SNAP91: variants seen among roughly 807,000 people sequenced by gnomAD.
The protein encoded by SNAP91 is synaptosome associated protein 91, also known as clathrin coat assembly protein AP180.
In SNAP91, 27 loss-of-function variants were observed where a neutral mutation model predicts 100.3. That is an observed-to-expected ratio of 0.27 (90% CI 0.20 to 0.37). The LOEUF (loss-of-function observed/expected upper bound fraction) is 0.37. Ranked by LOEUF, SNAP91 falls within the 10% of genes least tolerant of loss-of-function variation. The pLI is 1.00. For missense variants in SNAP91, 986 were observed against 1,123.7 expected, an observed-to-expected ratio of 0.88 and a Z score of 1.75; for synonymous variants, 404 against 398.6, an observed-to-expected ratio of 1.01 and a Z score of -0.16.
At chr6:83,709,210 G>C (rs2099420493), upstream of SNAP91, 1 of 152,274 alleles carries the variant, frequency 6.6e-6, no homozygotes, top group Non-Finnish European at 1.5e-5. Flanking sequence ...CCCCCTCCCA[G>C]CTACTCACAC....
intron 2 of SNAP91, chr6:83,678,866 G>A (rs868433959): frequency 1.6e-6 from 2 of 1,242,682 alleles, no homozygotes; most frequent in Non-Finnish European, 2.1e-6. Flanking sequence ...AAGTACCAAG[G>A]AATACAACTT....
intron 28 of SNAP91, among the ~76,000 whole-genome samples, chr6:83,559,619 G>A (rs1784030464): frequency 6.6e-6 from 1 of 152,186 alleles, no homozygotes; most frequent in Admixed American, 6.5e-5. Context: ...TGGTCCTGGG[G>A]ACTCACAAAT....
intron 17 of SNAP91, 79 bp downstream of exon 17, chr6:83,594,295 A>G: frequency 9.2e-7 from 1 of 1,086,996 alleles, no homozygotes; most frequent in South Asian, 1.4e-5. Flanking sequence ...AAATTAGAAA[A>G]ACATATGGCC....
intron 10 of SNAP91, among the ~76,000 whole-genome samples, chr6:83,616,404 C>A (rs1008443367): frequency 1.3e-5 from 2 of 152,136 alleles, no homozygotes; most frequent in Middle Eastern, 3.4e-3. Context: ...AATATAAGTA[C>A]TCAAACACAG....
At chr6:83,655,302 G>C (rs1202427553) in intron 7 of SNAP91, among the ~76,000 whole-genome samples, 1 of 152,208 alleles carries the variant, frequency 6.6e-6, no homozygotes, top group Non-Finnish European at 1.5e-5. Flanking sequence ...ACATGTGTAT[G>C]TGCTGCTCTA....
At chr6:83,699,908 C>T (rs939301053) in intron 2 of SNAP91, among the ~76,000 whole-genome samples, 1 of 152,112 alleles carries the variant, frequency 6.6e-6, no homozygotes, top group African/African-American at 2.4e-5. Flanking sequence ...ATCTTATATA[C>T]AGATACACTG....
intron 7 of SNAP91, among the ~76,000 whole-genome samples, chr6:83,650,268 A>G (rs1203154663): frequency 3.3e-5 from 5 of 152,220 alleles, no homozygotes. Context: ...ATGTTGGAAG[A>G]CATCTAAGAC....
chr6:83,554,111 G>C lies in SNAP91; in HGVS notation c.*185C>G, dbSNP rs987468155. The C allele has an allele frequency of 6.1e-6, 1 of 164,470 alleles. No individual in the cohort carries two copies. Among genetic ancestry groups the C allele is most frequent in the African/African-American group, 2.4e-5 (1 of 41,568 alleles). The allele number at this position is 164,470 out of a possible 1,614,324, so 10.2% of individuals were successfully genotyped here. ...TACAATTTCAAGAGTAGGGATAACA[G>C]CTAAGGTAGTACATATTCCTAATGT... On this transcript the variant is annotated 3_prime_UTR_variant, in exon 30 of 30. Coordinates refer to ENST00000369694, the MANE Select transcript of SNAP91 (RefSeq NM_001242792.2).
chr6:83,614,527 A>G (rs1304279913), intron 11 of SNAP91, among the ~76,000 whole-genome samples: 1 of 152,132 alleles, frequency 6.6e-6, no homozygotes, highest in Non-Finnish European at 1.5e-5. Context: ...GTCTTTTCGC[A>G]TTTATGCTAT....
chr6:83,625,251 T>C (rs2096888027), intron 8 of SNAP91, among the ~76,000 whole-genome samples: 1 of 152,188 alleles, frequency 6.6e-6, no homozygotes, highest in East Asian at 1.9e-4. Context: ...TAGTATTCCA[T>C]GGTGCATATG....
intron 2 of SNAP91, among the ~76,000 whole-genome samples, chr6:83,676,322 GATA>G (rs1414266076): frequency 6.6e-6 from 1 of 152,128 alleles, no homozygotes; most frequent in Non-Finnish European, 1.5e-5. Context: ...GTCGAGCACA[GATA>G]ATGTTATGAA....
intron 8 of SNAP91, among the ~76,000 whole-genome samples, chr6:83,640,890 G>C (rs939947584): frequency 6.6e-6 from 1 of 152,126 alleles, no homozygotes; most frequent in African/African-American, 2.4e-5. Flanking sequence ...CATCTGATTA[G>C]GATGCAGGAG....
intron 26 of SNAP91, among the ~76,000 whole-genome samples, chr6:83,572,333 T>C (rs1369052990): frequency 6.6e-6 from 1 of 152,092 alleles, no homozygotes; most frequent in African/African-American, 2.4e-5. Flanking sequence ...TGCAACCTCC[T>C]CCTCCTGGGT....
chr6:83,563,196 G>A (rs148933677), intron 26 of SNAP91, among the ~76,000 whole-genome samples: 16 of 152,272 alleles, frequency 1.1e-4, no homozygotes, highest in African/African-American at 3.1e-4. Flanking sequence ...ACAGCAACCC[G>A]CTTTTGAGGC....
At chr6:83,632,814 T>C (rs217334) in intron 8 of SNAP91, among the ~76,000 whole-genome samples, 126,783 of 152,218 alleles carry the variant, frequency 0.83, 53,219 homozygotes, top group East Asian at 0.96. Flanking sequence ...GATTTCCTTA[T>C]ACTGGGCTTC....
chr6:83,610,712 T>TGA (rs2095972098), intron 11 of SNAP91, 35 bp from the exon 12 acceptor site: 2 of 93,004 alleles, frequency 2.2e-5, no homozygotes, highest in Non-Finnish European at 3.9e-5. Context: ...TAAAACTGAA[T>TGA]ATATATATAT....
In SNAP91 at chr6:83,592,451, G is replaced by A. The variant is rs902920889; in HGVS notation, c.1930+4C>T. On this transcript the variant is annotated splice_donor_region_variant and intron_variant, in intron 21 of 29. Coordinates refer to ENST00000369694, the MANE Select transcript of SNAP91 (RefSeq NM_001242792.2). The stretch of plus-strand genomic sequence containing the variant: ...TTAAGTGTTGATGGAGGAGAAATAC[G>A]CACCCCCAAAAAGGTCTATGACACC... The A allele has an allele frequency of 1.1e-5, 17 of 1,599,280 alleles. No individual in the cohort carries two copies. The highest frequency in any genetic ancestry group is 1.7e-5 in the Admixed American group (1 of 59,568).
intron 26 of SNAP91, among the ~76,000 whole-genome samples, chr6:83,570,220 T>G (rs1302483291): frequency 6.6e-6 from 1 of 152,128 alleles, no homozygotes; most frequent in East Asian, 1.9e-4. Flanking sequence ...CCCCAGAGAT[T>G]TGTGGAACTT....
intron 2 of SNAP91, among the ~76,000 whole-genome samples, chr6:83,673,619 T>C (rs2098819409): frequency 6.6e-6 from 1 of 152,208 alleles, no homozygotes; most frequent in Non-Finnish European, 1.5e-5. Context: ...CAGAAATAAA[T>C]TGTTGCTATC....
Sources: gnomAD v4.1 joint callset for allele counts (sites outside exome capture counted in the v4.1 genomes callset) on GRCh38, gnomAD v4.1.1 for gene constraint, MANE v1.5 for transcripts, NCBI Gene and HGNC (gene_info 2026-07-23, HGNC 2026-07-21) for gene names.